The following HMBOX1 variants were observed in gnomAD, a reference collection of about 807,000 sequenced individuals.
HMBOX1 encodes the protein homeobox-containing protein 1.
In HMBOX1, 14 loss-of-function variants were observed where a neutral mutation model predicts 54.5. The observed-to-expected ratio is 0.26, with a 90% confidence interval of 0.17 to 0.40. The LOEUF is 0.40. Ranked by LOEUF, HMBOX1 falls within the 10% of genes least tolerant of loss-of-function variation. The pLI, the probability that HMBOX1 is intolerant of heterozygous loss-of-function variation, is 1.00. For missense variants in HMBOX1, 332 were observed against 514.4 expected (o/e 0.65, Z 3.43); for synonymous variants, 160 against 181.0 (o/e 0.88, Z 0.93).
intron 1 of HMBOX1, among the ~76,000 whole-genome samples, chr8:28,926,352 T>A (rs2131847976): frequency 6.6e-6 from 1 of 151,984 alleles, no homozygotes; most frequent in Non-Finnish European, 1.5e-5. Flanking sequence ...AATACAAATA[T>A]TCATTTAGAA....
chr8:29,000,930 C>T (rs1202713062), intron 4 of HMBOX1, among the ~76,000 whole-genome samples: 1 of 152,134 alleles, frequency 6.6e-6, no homozygotes, highest in Non-Finnish European at 1.5e-5. Context: ...TGTTGGAAGC[C>T]TTTGGTAATT....
chr8:29,001,957 G>A (rs1287546974), intron 4 of HMBOX1, among the ~76,000 whole-genome samples: 2 of 152,210 alleles, frequency 1.3e-5, no homozygotes, highest in Admixed American at 6.5e-5. Context: ...AGGCTGGAAT[G>A]TGGAGATGGG....
intron 4 of HMBOX1, among the ~76,000 whole-genome samples, chr8:28,981,298 G>C (rs1291227450): frequency 1.3e-5 from 2 of 151,994 alleles, no homozygotes; most frequent in Non-Finnish European, 2.9e-5. Context: ...TTAGTTAAAG[G>C]TGTCCTTCGG....
rs1478239379 is a variant in HMBOX1, at chr8:28,963,807, A to G, written c.-57-4A>G. 5 of 1,360,688 alleles carry G rather than the reference A, an allele frequency of 3.7e-6. No individual in the cohort carries two copies. The highest frequency in any genetic ancestry group is 4.7e-5 in the East Asian group (2 of 42,686). 84.3% of individuals were successfully genotyped at this position (1,360,688 alleles called of 1,614,324 possible). ...TTTCTCAATTTTCTATCTTTGTTCT[A>G]CAGAATGGTAGATAACGCAGATCAT... On this transcript the variant is annotated splice_region_variant and splice_polypyrimidine_tract_variant and intron_variant, in intron 1 of 9. Coordinates refer to ENST00000287701, the MANE Select transcript of HMBOX1 (RefSeq NM_001135726.3).
intron 1 of HMBOX1, among the ~76,000 whole-genome samples, chr8:28,906,066 A>C (rs568122521): frequency 6.6e-6 from 1 of 152,342 alleles, no homozygotes; most frequent in South Asian, 2.1e-4. Context: ...GATTAATCAG[A>C]GAGGTCCAGA....
intron 1 of HMBOX1, among the ~76,000 whole-genome samples, chr8:28,922,120 T>C (rs1164438632): frequency 1.3e-5 from 2 of 152,188 alleles, no homozygotes; most frequent in African/African-American, 4.8e-5. Context: ...ATCAAAAATA[T>C]ATGGGGAAGA....
intron 4 of HMBOX1, among the ~76,000 whole-genome samples, chr8:28,982,406 ATGATGCC>A (rs1563520727): frequency 6.6e-6 from 1 of 152,088 alleles, no homozygotes; most frequent in African/African-American, 2.4e-5. Context: ...AATGGTCATG[ATGATGCC>A]ATCCCGTTTT....
At chr8:28,973,803 GTTTTTTTTTTTTT>G (rs71222583) in intron 3 of HMBOX1, among the ~76,000 whole-genome samples, 13 of 72,618 alleles carry the variant, frequency 1.8e-4, no homozygotes, top group South Asian at 7.6e-4. Context: ...ACATAATGGA[GTTTTTTTTTTTTT>G]TTTTTTTTTT....
At chr8:28,943,300 A>G (rs1233177009) in intron 1 of HMBOX1, among the ~76,000 whole-genome samples, 4 of 152,248 alleles carry the variant, frequency 2.6e-5, no homozygotes, top group Non-Finnish European at 4.4e-5. Flanking sequence ...CCAAGGAAGC[A>G]GTGAGGACCA....
At chr8:29,011,739 T>C (rs1174669917) in intron 5 of HMBOX1, among the ~76,000 whole-genome samples, 1 of 151,456 alleles carries the variant, frequency 6.6e-6, no homozygotes, top group Non-Finnish European at 1.5e-5. Context: ...TATTGTTATT[T>C]ATTTTAGCTT....
chr8:28,957,186 C>T (rs992718511), intron 1 of HMBOX1, among the ~76,000 whole-genome samples: 4 of 151,892 alleles, frequency 2.6e-5, no homozygotes, highest in East Asian at 3.9e-4. Flanking sequence ...AACAGTGGAA[C>T]GGATAAAGAA....
At chr8:29,039,725 C>T (rs1344629075) in intron 6 of HMBOX1, among the ~76,000 whole-genome samples, 1 of 152,104 alleles carries the variant, frequency 6.6e-6, no homozygotes, top group Non-Finnish European at 1.5e-5. Flanking sequence ...ACTATGTCCT[C>T]CTTGTCAGAG....
chr8:28,993,043 C>A (rs1831236586), intron 4 of HMBOX1, among the ~76,000 whole-genome samples: 1 of 58,574 alleles, frequency 1.7e-5, no homozygotes, highest in South Asian at 5.9e-4. Context: ...GCCAAATCAA[C>A]ACCTAGTTTT....
At chr8:28,918,151 A>G (rs1251104659) in intron 1 of HMBOX1, among the ~76,000 whole-genome samples, 2 of 152,186 alleles carry the variant, frequency 1.3e-5, no homozygotes, top group Non-Finnish European at 2.9e-5. Flanking sequence ...TGATATTTTT[A>G]AACTATGAAC....
At chr8:28,995,263 A>G (rs912584265) in intron 4 of HMBOX1, among the ~76,000 whole-genome samples, 1 of 152,226 alleles carries the variant, frequency 6.6e-6, no homozygotes, top group Admixed American at 6.5e-5. Flanking sequence ...ATAGAATCAT[A>G]CACTATATAA....
intron 7 of HMBOX1, among the ~76,000 whole-genome samples, chr8:29,046,988 A>AT (rs1324779411): frequency 2.0e-5 from 3 of 152,236 alleles, no homozygotes; most frequent in Non-Finnish European, 4.4e-5. Context: ...TCTCAAAAAA[A>AT]TAAAAAAAGA....
At chr8:28,988,949 T>C (rs1389167990) in intron 4 of HMBOX1, among the ~76,000 whole-genome samples, 3 of 152,186 alleles carry the variant, frequency 2.0e-5, no homozygotes, top group Non-Finnish European at 2.9e-5. Context: ...TTTTCTTTTG[T>C]GGTTCTTGCT....
chr8:29,037,980 C>T (rs568160649), intron 6 of HMBOX1, among the ~76,000 whole-genome samples: 4 of 152,294 alleles, frequency 2.6e-5, no homozygotes, highest in Middle Eastern at 3.4e-3. Context: ...TTTTGGATAA[C>T]TGAAATGATG....
rs185416562 is a variant in HMBOX1 at position 28,971,338 on chromosome 8, G to A, written c.500+819G>A. 6.8e-3 allele frequency among the ~76,000 whole-genome samples: 1,028 copies of A among 152,028 alleles called. 4 individuals carry two copies. The highest frequency in any genetic ancestry group is 8.5e-3 in the Non-Finnish European group (581 of 67,956). ...ACTCCTGATCTCAGGTGATCCACCC[G>A]CCTCGGCCTCCCAAAGTGCTGGGAT... is the stretch of plus-strand genomic sequence containing the variant. On this transcript the variant is annotated intron_variant, in intron 3 of 9. Transcript: ENST00000287701.
Sources: allele counts gnomAD v4.1 joint callset (sites outside exome capture counted in the v4.1 genomes callset), GRCh38; gene constraint gnomAD v4.1.1; transcripts MANE v1.5; gene names NCBI Gene and HGNC (gene_info 2026-07-23, HGNC 2026-07-21).